WDR41: variants seen among roughly 807,000 people sequenced by gnomAD.
The protein encoded by WDR41 is WD repeat-containing protein 41.
WDR41 carries 63 observed loss-of-function variants against 69.3 expected under a neutral mutation model. The observed-to-expected ratio is 0.91, with a 90% CI of 0.74 to 1.12. The LOEUF (loss-of-function observed/expected upper bound fraction) is 1.12, where lower values mean the gene tolerates loss of function less well. WDR41 is among the 50% of genes most tolerant of loss of function. WDR41 has a pLI of 0.00. For synonymous variants in WDR41, 185 were observed against 192.1 expected (o/e 0.96, Z 0.31); for missense variants, 543 against 534.5 (o/e 1.02, Z -0.16).
At chr5:77,514,478 G>A (rs1418016823) in intron 1 of WDR41, among the ~76,000 whole-genome samples, 1 of 152,142 alleles carries the variant, frequency 6.6e-6, no homozygotes, top group Admixed American at 6.5e-5. Context: ...ATAACCAGAA[G>A]TGTAATGATT....
At chr5:77,536,296 T>C (rs1400371407) in intron 1 of WDR41, among the ~76,000 whole-genome samples, 1 of 152,070 alleles carries the variant, frequency 6.6e-6, no homozygotes, top group African/African-American at 2.4e-5. Flanking sequence ...CCTATATCCC[T>C]GTAATATAAA....
intron 1 of WDR41, among the ~76,000 whole-genome samples, chr5:77,607,849 G>A (rs1744453260): frequency 6.6e-6 from 1 of 152,022 alleles, no homozygotes; most frequent in South Asian, 2.1e-4. Flanking sequence ...TCAAATAATT[G>A]CCTATATTTA....
chr5:77,487,737 G>A (rs868702910), intron 2 of WDR41, among the ~76,000 whole-genome samples: 6 of 152,120 alleles, frequency 3.9e-5, no homozygotes, highest in African/African-American at 7.2e-5. Context: ...CAGGAAAGGG[G>A]CTGGCCAAGG....
intron 1 of WDR41, among the ~76,000 whole-genome samples, chr5:77,529,919 T>C (rs1481549048): frequency 6.6e-6 from 1 of 151,746 alleles, no homozygotes; most frequent in African/African-American, 2.4e-5. Flanking sequence ...ATAAATATTT[T>C]AGTTGGCAGC....
intron 2 of WDR41, among the ~76,000 whole-genome samples, chr5:77,482,955 C>G (rs537766725): frequency 1.3e-5 from 2 of 151,876 alleles, no homozygotes; most frequent in East Asian, 3.9e-4. Context: ...CAACCTTTAT[C>G]ACAGATGAGA....
At chr5:77,536,405 A>T (rs1392719064) in intron 1 of WDR41, among the ~76,000 whole-genome samples, 1 of 139,492 alleles carries the variant, frequency 7.2e-6, no homozygotes, top group Non-Finnish European at 1.6e-5. Flanking sequence ...GCAAAGTGTT[A>T]AAAAAAAAGT....
chr5:77,449,868 T>C lies in WDR41; in HGVS notation c.589A>G (p.Ile197Val). 1 of 1,602,610 alleles carries C rather than the reference T, an allele frequency of 6.2e-7. No homozygotes were observed. Among genetic ancestry groups the C allele is most frequent in the Non-Finnish European group, 8.5e-7 (1 of 1,170,694 alleles). Residue 197 changes from isoleucine to valine, a missense_variant and splice_region_variant, in exon 8 of 13, where the codon ATT (isoleucine) becomes GTT (valine). Ile to Val is a conservative substitution (Grantham distance 29). Transcript: ENST00000296679. ...TCTGTGGGTGCTACCAACCTGAAAA[T>C]TACTAAATGAAAAAGACAGATAAAA... ...VVAAVGKELIIFRLVAPTEGS... is the reference protein window; with the variant it reads ...VVAAVGKELIVFRLVAPTEGS...
intron 2 of WDR41, among the ~76,000 whole-genome samples, chr5:77,484,030 G>A (rs573745999): frequency 6.6e-6 from 1 of 152,312 alleles, no homozygotes; most frequent in South Asian, 2.1e-4. Context: ...TTGTAGTTGA[G>A]AGAGACTGAT....
chr5:77,532,180 T>TA (rs1352340493), intron 1 of WDR41, among the ~76,000 whole-genome samples: 1 of 152,048 alleles, frequency 6.6e-6, no homozygotes, highest in Non-Finnish European at 1.5e-5. Flanking sequence ...TTCTAAATGC[T>TA]AAAAGAAGTT....
chr5:77,448,751 C>G (rs1799501603), intron 8 of WDR41, among the ~76,000 whole-genome samples: 1 of 151,896 alleles, frequency 6.6e-6, no homozygotes, highest in Admixed American at 6.6e-5. Flanking sequence ...GCCTGTAGTT[C>G]CAGCTATTTG....
At chr5:77,606,193 C>T (rs558939760) in intron 1 of WDR41, among the ~76,000 whole-genome samples, 7 of 152,180 alleles carry the variant, frequency 4.6e-5, no homozygotes, top group Non-Finnish European at 1.0e-4. Flanking sequence ...ATGAGTTCCT[C>T]GAAGACAGAG....
chr5:77,474,674 G>A (rs191336013), intron 2 of WDR41, among the ~76,000 whole-genome samples: 3 of 150,598 alleles, frequency 2.0e-5, no homozygotes, highest in Admixed American at 6.6e-5. Context: ...AAAAGTCTAA[G>A]GTCCTTTTTT....
chr5:77,471,481 T>A (rs1361137553), intron 2 of WDR41, among the ~76,000 whole-genome samples: 1 of 151,926 alleles, frequency 6.6e-6, no homozygotes, highest in African/African-American at 2.4e-5. Context: ...AATTAATGAA[T>A]CCCGGAACCG....
At chr5:77,620,334 C>A in intron 1 of WDR41, 1 of 356,036 alleles carries the variant, frequency 2.8e-6, no homozygotes, top group Non-Finnish European at 5.5e-6. Context: ...TAGCATATTG[C>A]TGTAAGTCTC....
At chr5:77,472,878 T>C (rs1250247624) in intron 2 of WDR41, among the ~76,000 whole-genome samples, 1 of 152,092 alleles carries the variant, frequency 6.6e-6, no homozygotes, top group Non-Finnish European at 1.5e-5. Context: ...GCCATCCCCA[T>C]CAAGCTACCA....
chr5:77,518,625 T>C (rs1802327497), intron 1 of WDR41, among the ~76,000 whole-genome samples: 4 of 152,106 alleles, frequency 2.6e-5, no homozygotes, highest in Admixed American at 1.3e-4. Flanking sequence ...ATGATAAATG[T>C]GAATATGAAA....
At chr5:77,581,937 G>A (rs1309981812) in intron 1 of WDR41, among the ~76,000 whole-genome samples, 1 of 151,876 alleles carries the variant, frequency 6.6e-6, no homozygotes, top group Non-Finnish European at 1.5e-5. Context: ...TTAGGATACT[G>A]GAAAAAGAAA....
upstream of WDR41, among the ~76,000 whole-genome samples, chr5:77,494,651 C>T (rs1801912944): frequency 6.6e-6 from 1 of 152,036 alleles, no homozygotes; most frequent in Non-Finnish European, 1.5e-5. Context: ...ATAATAGACC[C>T]TCAAAATTTA....
chr5:77,465,709 C>T (rs1433107076), intron 2 of WDR41, among the ~76,000 whole-genome samples: 1 of 132,296 alleles, frequency 7.6e-6, no homozygotes, highest in Non-Finnish European at 1.6e-5. Context: ...ATTGCTTTCA[C>T]TCAAATTCAG....
Sources: allele counts gnomAD v4.1 joint callset (sites outside exome capture counted in the v4.1 genomes callset), GRCh38; gene constraint gnomAD v4.1.1; transcripts MANE v1.5; gene names NCBI Gene and HGNC (gene_info 2026-07-23, HGNC 2026-07-21).